GALNT13: variants seen among roughly 807,000 people sequenced by gnomAD.
GALNT13 encodes UDP-GalNAc:polypeptide N-acetylgalactosaminyltransferase 13.
Under a neutral mutation model 64.2 loss-of-function variants are expected in GALNT13, and 28 were observed. That is an observed-to-expected ratio of 0.44 (90% CI 0.32 to 0.60). GALNT13 has a LOEUF of 0.60. Ranked by LOEUF, GALNT13 falls within the 20% of genes least tolerant of loss-of-function variation. The pLI is 0.05. For missense variants in GALNT13, 577 were observed against 669.8 expected (o/e 0.86, Z 1.53); for synonymous variants, 214 against 224.6 (o/e 0.95, Z 0.42).
intron 3 of GALNT13, among the ~76,000 whole-genome samples, chr2:154,134,796 C>T (rs181900363): frequency 6.6e-6 from 1 of 152,134 alleles, no homozygotes; most frequent in African/African-American, 2.4e-5. Flanking sequence ...GTTCGAGACC[C>T]GCCTGGCCAA....
chr2:154,242,555 C>T, intron 5 of GALNT13, 143 bp from the exon 6 acceptor site: 1 of 611,808 alleles, frequency 1.6e-6, no homozygotes, highest in South Asian at 2.1e-5. Context: ...AATGAAATCT[C>T]TATTATTTTA....
chr2:153,311,353 CA>C, the GALNT13 span, among the ~76,000 whole-genome samples: 15,839 of 152,058 alleles, frequency 0.1, 987 homozygotes, highest in African/African-American at 0.17. Flanking sequence ...AACAAATATC[CA>C]AATATGAAGA....
intron 8 of GALNT13, chr2:154,286,659 G>T: frequency 3.7e-6 from 1 of 272,048 alleles, no homozygotes; most frequent in South Asian, 4.7e-5. Context: ...GAGGCATGGT[G>T]AACTCTGCCT....
chr2:154,354,474 T>A lies in GALNT13; in HGVS notation c.1157-41517T>A, dbSNP rs1008382917. ...TTGTAGCTGAGCTTTTGGTGTGATA[T>A]CTAAAAAATCTTGGCCATGGCCATG... On this transcript the variant is annotated intron_variant, in intron 9 of 12. Transcript: ENST00000392825. 1.1e-4 allele frequency among the ~76,000 whole-genome samples: 14 copies of A among 132,222 alleles called. No individual in the cohort carries two copies. The South Asian group carries it at 3.7e-3, about 35-fold the overall frequency. 86.7% of individuals were successfully genotyped at this position (132,222 alleles called of 152,430 possible).
intron 3 of GALNT13, among the ~76,000 whole-genome samples, chr2:154,131,514 A>T (rs966624631): frequency 1.3e-5 from 2 of 152,188 alleles, no homozygotes; most frequent in Non-Finnish European, 2.9e-5. Flanking sequence ...ATGTCCATTA[A>T]GAAACTGTCT....
chr2:153,909,064 A>G (rs1201727657), intron 2 of GALNT13, among the ~76,000 whole-genome samples: 1 of 151,920 alleles, frequency 6.6e-6, no homozygotes, highest in African/African-American at 2.4e-5. Context: ...TGTTTGTGTC[A>G]TCTCTGATTG....
At chr2:153,502,220 G>A in the GALNT13 span, among the ~76,000 whole-genome samples, 1 of 152,066 alleles carries the variant, frequency 6.6e-6, no homozygotes. Flanking sequence ...TCAATGTGTA[G>A]TCTTTTATCC....
At chr2:153,470,722 T>C in the GALNT13 span, among the ~76,000 whole-genome samples, 1 of 152,292 alleles carries the variant, frequency 6.6e-6, no homozygotes. Context: ...CCAAAGATTC[T>C]TAATTAATAA....
chr2:153,562,150 A>AT, the GALNT13 span, among the ~76,000 whole-genome samples: 160 of 142,044 alleles, frequency 1.1e-3, no homozygotes, highest in Non-Finnish European at 1.7e-3. Flanking sequence ...TATAAATATT[A>AT]TTTTTTTCTG....
chr2:154,237,839 G>T (rs13417152), intron 4 of GALNT13, among the ~76,000 whole-genome samples: 28,289 of 151,384 alleles, frequency 0.19, 3,065 homozygotes, highest in Middle Eastern at 0.32. Flanking sequence ...TTACATTATT[G>T]TTCAATATTA....
chr2:153,664,706 A>G, the GALNT13 span, among the ~76,000 whole-genome samples: 1 of 152,192 alleles, frequency 6.6e-6, no homozygotes, highest in Non-Finnish European at 1.5e-5. Context: ...TAATTTGGGG[A>G]ACTAATAAAT....
the GALNT13 span, among the ~76,000 whole-genome samples, chr2:153,207,866 T>G: frequency 6.6e-6 from 1 of 152,132 alleles, no homozygotes; most frequent in East Asian, 1.9e-4. Flanking sequence ...AAATAAGAGT[T>G]GTGTACAACT....
chr2:153,703,899 A>G, the GALNT13 span, among the ~76,000 whole-genome samples: 1 of 152,180 alleles, frequency 6.6e-6, no homozygotes, highest in African/African-American at 2.4e-5. Flanking sequence ...GTTTCTTCAC[A>G]GTAAAATAAA....
At chr2:153,760,337 CTT>C in the GALNT13 span, among the ~76,000 whole-genome samples, 1 of 151,192 alleles carries the variant, frequency 6.6e-6, no homozygotes, top group Non-Finnish European at 1.5e-5. Context: ...ATTTTTTCTT[CTT>C]TTTTCTTTTA....
chr2:154,099,000 G>A lies in GALNT13; in HGVS notation c.143-41337G>A, dbSNP rs1016170120. On this transcript the variant is annotated intron_variant, in intron 3 of 12. Coordinates refer to ENST00000392825, the MANE Select transcript of GALNT13 (RefSeq NM_052917.4). Reference sequence around the variant, plus strand: ...TAGTTCTTTGAGAAATCTCCATGCCGTTTCCCATAGAGGTTATGCCAATTT... The same window carrying A: ...TAGTTCTTTGAGAAATCTCCATGCCATTTCCCATAGAGGTTATGCCAATTT... 4.6e-5 allele frequency among the ~76,000 whole-genome samples: 7 copies of A among 152,002 alleles called. No homozygotes were observed. In the East Asian group the frequency reaches 7.8e-4, roughly 17 times the overall value.
In GALNT13 at chr2:154,184,356, G is replaced by GTT. The variant is rs199555631; in HGVS notation, c.311+43854_311+43855dup. Among the ~76,000 whole-genome samples the GTT allele has an allele frequency of 6.9e-3, 1,043 of 152,134 alleles. 9 individuals carry two copies. Among genetic ancestry groups the GTT allele is most frequent in the African/African-American group, 0.024 (1,008 of 41,510 alleles). The stretch of plus-strand genomic sequence containing the variant: ...TTTAATCCATTCAGTGACTCTCTGT[G>GTT]TTTTGATTGAATAATTTAACTTCTT... On this transcript the variant is annotated intron_variant, in intron 4 of 12. Coordinates refer to ENST00000392825, the MANE Select transcript of GALNT13 (RefSeq NM_052917.4).
At chr2:153,657,299 A>G in the GALNT13 span, among the ~76,000 whole-genome samples, 4 of 152,118 alleles carry the variant, frequency 2.6e-5, no homozygotes, top group Admixed American at 6.6e-5. Context: ...GAGTTAGAAT[A>G]TGATATGTAT....
intron 4 of GALNT13, among the ~76,000 whole-genome samples, chr2:154,180,836 T>G (rs747983513): frequency 6.6e-6 from 1 of 152,168 alleles, no homozygotes; most frequent in Admixed American, 6.6e-5. Flanking sequence ...TTTATAAGCA[T>G]GTTAGTGATA....
intron 4 of GALNT13, among the ~76,000 whole-genome samples, chr2:154,225,160 T>A (rs1688541030): frequency 1.5e-5 from 2 of 137,906 alleles, no homozygotes; most frequent in African/African-American, 5.5e-5. Context: ...GATAGATAGA[T>A]GATAGATAGA....
Sources: allele counts gnomAD v4.1 joint callset (sites outside exome capture counted in the v4.1 genomes callset), GRCh38; gene constraint gnomAD v4.1.1; transcripts MANE v1.5; gene names NCBI Gene and HGNC (gene_info 2026-07-23, HGNC 2026-07-21).